Variants in TSHZ2 observed in about 807,000 individuals in gnomAD.
TSHZ2 encodes the protein teashirt zinc finger homeobox 2, also known as teashirt homolog 2.
Under a neutral mutation model 74.4 loss-of-function variants are expected in TSHZ2, and 21 were observed. The observed-to-expected ratio is 0.28, with a 90% CI of 0.20 to 0.41. TSHZ2 has a LOEUF of 0.41. Among genes scored for constraint, TSHZ2 ranks in the 10% least tolerant of loss-of-function variants. The probability of loss-of-function intolerance (pLI) is 1.00; values close to 1 mark genes in which losing one functional copy is unlikely to be tolerated. For missense variants in TSHZ2, 1,244 were observed against 1,293.5 expected (o/e 0.96, Z 0.59); for synonymous variants, 540 against 515.3 (o/e 1.05, Z -0.65).
intron 2 of TSHZ2, among the ~76,000 whole-genome samples, chr20:53,305,225 A>G (rs1978479856): frequency 1.1e-4 from 17 of 152,196 alleles, no homozygotes; most frequent in Admixed American, 1.1e-3. Context: ...GGCATGAGCC[A>G]CCGCGCCTGG....
rs1986410829 is a variant in TSHZ2, at chr20:53,490,131, C to T, written c.*2996C>T. ...TCCCCATCCCTCCTTCCAGCTAAGA[C>T]CACCAACCAGCTGCAAATTGAGATG... On this transcript the variant is annotated 3_prime_UTR_variant, in exon 3 of 3. Transcript: ENST00000371497. 1 of 152,126 alleles carries T rather than the reference C, an allele frequency of 6.6e-6. No homozygotes were observed. Among genetic ancestry groups the T allele is most frequent in the Admixed American group, 6.5e-5 (1 of 15,278 alleles). The allele number at this position is 152,126 out of a possible 1,614,324, so 9.4% of individuals were successfully genotyped here.
chr20:53,153,709 G>A lies in TSHZ2; in HGVS notation c.41-99790G>A, dbSNP rs144351397. On this transcript the variant is annotated intron_variant, in intron 1 of 2. Coordinates refer to ENST00000371497, the MANE Select transcript of TSHZ2 (RefSeq NM_173485.6). ...TCAAGATGCAAATTTCATGAAAAGA[G>A]TGTCCAGTTTGCCCAACTGGAGCCA... is the stretch of plus-strand genomic sequence containing the variant. Among the ~76,000 whole-genome samples, 45 of 152,230 alleles carry A rather than the reference G, an allele frequency of 3.0e-4. No individual in the cohort carries two copies. The East Asian group carries it at 7.0e-3, about 24-fold the overall frequency.
intron 2 of TSHZ2, among the ~76,000 whole-genome samples, chr20:53,481,100 A>C (rs757210398): frequency 6.6e-6 from 1 of 152,180 alleles, no homozygotes; most frequent in Non-Finnish European, 1.5e-5. Context: ...GGCAACTAAC[A>C]GTATCCACTT....
At chr20:53,327,356 G>GA (rs1979537110) in intron 2 of TSHZ2, among the ~76,000 whole-genome samples, 1 of 152,230 alleles carries the variant, frequency 6.6e-6, no homozygotes, top group Non-Finnish European at 1.5e-5. Flanking sequence ...ATGCGTGGTG[G>GA]CGGGTGCCTG....
At chr20:53,052,209 C>G (rs115322022) in intron 1 of TSHZ2, among the ~76,000 whole-genome samples, 1 of 152,080 alleles carries the variant, frequency 6.6e-6, no homozygotes, top group Non-Finnish European at 1.5e-5. Context: ...TTTTAGGTAC[C>G]TCATGTACGT....
chr20:53,076,496 C>T lies in TSHZ2; in HGVS notation c.40+103163C>T, dbSNP rs1349521964. Among the ~76,000 whole-genome samples the T allele has an allele frequency of 2.6e-5, 4 of 152,168 alleles. No homozygotes were observed. The East Asian group carries it at 5.8e-4, about 22-fold the overall frequency. On this transcript the variant is annotated intron_variant, in intron 1 of 2. Transcript: ENST00000371497. ...GTGGGGAAACCAGTATCAGACTGCA[C>T]GTTTCAGTTGTGCTTAATACTATGA...
At chr20:53,114,819 G>A (rs1176382722) in intron 1 of TSHZ2, among the ~76,000 whole-genome samples, 1 of 152,196 alleles carries the variant, frequency 6.6e-6, no homozygotes, top group Non-Finnish European at 1.5e-5. Context: ...GTGTGTGTGT[G>A]TGTGTGTTTG....
chr20:53,163,720 C>T (rs552684456), intron 1 of TSHZ2, among the ~76,000 whole-genome samples: 9 of 152,128 alleles, frequency 5.9e-5, no homozygotes, highest in South Asian at 2.1e-4. Flanking sequence ...CCAAAAACTA[C>T]ATGAGTTAAC....
At position 53,050,111 on chromosome 20, in the gene TSHZ2, A is replaced by ATATATACACATACATATATATATGTGTG. The variant is rs1555819300; in HGVS notation, c.40+76784_40+76785insCACATACATATATATATGTGTGTATATA. Among the ~76,000 whole-genome samples, 29 of 97,580 alleles carry ATATATACACATACATATATATATGTGTG rather than the reference A, an allele frequency of 3.0e-4. 1 individual carries two copies. In the South Asian group the frequency reaches 6.8e-3, roughly 23 times the overall value. 64.0% of individuals were successfully genotyped at this position (97,580 alleles called of 152,430 possible). On this transcript the variant is annotated intron_variant, in intron 1 of 2. Coordinates refer to ENST00000371497, the MANE Select transcript of TSHZ2 (RefSeq NM_173485.6). ...AAAAAATGTATATGTGTGTATATAT[A>ATATATACACATACATATATATATGTGTG]TATATATATATATACACATATATAT...
intron 2 of TSHZ2, among the ~76,000 whole-genome samples, chr20:53,332,766 G>C (rs775169537): frequency 6.6e-6 from 1 of 152,216 alleles, no homozygotes; most frequent in African/African-American, 2.4e-5. Context: ...TTAGCTGCAA[G>C]ATGAGAAGGC....
intron 1 of TSHZ2, among the ~76,000 whole-genome samples, chr20:53,228,005 T>C (rs959536923): frequency 6.7e-6 from 1 of 149,254 alleles, no homozygotes; most frequent in Admixed American, 6.7e-5. Context: ...CTGATCTTTA[T>C]AATTTCAAAT....
At chr20:53,135,052 C>T (rs1222479095) in intron 1 of TSHZ2, among the ~76,000 whole-genome samples, 1 of 148,770 alleles carries the variant, frequency 6.7e-6, no homozygotes, top group Non-Finnish European at 1.5e-5. Flanking sequence ...TGTGGCACTG[C>T]CTTTTTATTT....
chr20:53,200,774 CA>C, intron 1 of TSHZ2, among the ~76,000 whole-genome samples: 1 of 152,088 alleles, frequency 6.6e-6, no homozygotes, highest in Non-Finnish European at 1.5e-5. Flanking sequence ...TTTCTCAACA[CA>C]AATGAACAAA....
chr20:53,482,645 G>A (rs941493221), intron 2 of TSHZ2, among the ~76,000 whole-genome samples: 4 of 152,204 alleles, frequency 2.6e-5, no homozygotes, highest in African/African-American at 9.7e-5. Context: ...GCTCACGCCT[G>A]TAATCCCAGC....
intron 2 of TSHZ2, among the ~76,000 whole-genome samples, chr20:53,286,335 G>A (rs959593741): frequency 6.6e-6 from 1 of 152,206 alleles, no homozygotes; most frequent in Non-Finnish European, 1.5e-5. Flanking sequence ...CGTCAGGTCT[G>A]GAAGTGTGGA....
At chr20:53,343,261 C>T (rs1309386440) in intron 2 of TSHZ2, among the ~76,000 whole-genome samples, 2 of 152,118 alleles carry the variant, frequency 1.3e-5, no homozygotes, top group African/African-American at 2.4e-5. Context: ...GCCACCGCAC[C>T]GGGCCAGGAC....
At chr20:53,473,869 T>C (rs1300666676) in intron 2 of TSHZ2, among the ~76,000 whole-genome samples, 2 of 151,984 alleles carry the variant, frequency 1.3e-5, no homozygotes, top group African/African-American at 4.8e-5. Flanking sequence ...GGCAGAAACC[T>C]CAGGAAGCGA....
chr20:53,266,733 C>A (rs150892881), intron 2 of TSHZ2, among the ~76,000 whole-genome samples: 1 of 151,216 alleles, frequency 6.6e-6, no homozygotes, highest in Non-Finnish European at 1.5e-5. Flanking sequence ...ACTTCTTGGC[C>A]TTGTGGAGTT....
At chr20:53,228,298 G>T (rs1160187694) in intron 1 of TSHZ2, among the ~76,000 whole-genome samples, 2 of 152,070 alleles carry the variant, frequency 1.3e-5, no homozygotes, top group Non-Finnish European at 2.9e-5. Context: ...ATCTCCAACT[G>T]ACTTTTTCCA....
Sources: allele counts gnomAD v4.1 joint callset (sites outside exome capture counted in the v4.1 genomes callset), GRCh38; gene constraint gnomAD v4.1.1; transcripts MANE v1.5; gene names NCBI Gene and HGNC (gene_info 2026-07-23, HGNC 2026-07-21).